Variants in CDKL5 observed in about 807,000 individuals in gnomAD.
CDKL5 encodes the protein cyclin-dependent kinase-like 5.
Under a neutral mutation model 61.7 loss-of-function variants are expected in CDKL5, and 8 were observed. The observed-to-expected ratio is 0.13, with a 90% CI of 0.08 to 0.23. CDKL5 has a LOEUF of 0.23. Among genes scored for constraint, CDKL5 ranks in the 10% least tolerant of loss-of-function variants. CDKL5 has a pLI of 1.00. For missense variants in CDKL5, 440 were observed against 734.5 expected (o/e 0.60, Z 4.63); for synonymous variants, 275 against 272.3 (o/e 1.01, Z -0.10).
chrX:18,465,766 T>C (rs1932387955), intron 1 of CDKL5, among the ~76,000 whole-genome samples: 1 of 112,305 alleles, frequency 8.9e-6, no homozygotes, highest in South Asian at 3.6e-4. Context: ...TCAATTTGGA[T>C]AGAATTGACA....
At chrX:18,515,457 G>A (rs996628493) in intron 3 of CDKL5, among the ~76,000 whole-genome samples, 2 of 111,829 alleles carry the variant, frequency 1.8e-5, no homozygotes, top group East Asian at 5.6e-4. Context: ...CAGCCTATAA[G>A]TGTTCAATAA....
chrX:18,437,443 A>T (rs752242098), intron 1 of CDKL5, among the ~76,000 whole-genome samples: 2 of 112,171 alleles, frequency 1.8e-5, no homozygotes, highest in Non-Finnish European at 3.8e-5. Context: ...AGACACCTTT[A>T]ATCTGCTCGA....
chrX:18,607,243 G>A (rs1205070328), intron 12 of CDKL5, among the ~76,000 whole-genome samples: 1 of 111,374 alleles, frequency 9.0e-6, no homozygotes, highest in African/African-American at 3.3e-5. Context: ...CCAGGTGAAA[G>A]GAGAAAGCAA....
chrX:18,465,486 T>C (rs758157093), intron 1 of CDKL5, among the ~76,000 whole-genome samples: 1 of 110,671 alleles, frequency 9.0e-6, no homozygotes, highest in East Asian at 2.8e-4. Flanking sequence ...GCCAACATGG[T>C]GAAACCCCGT....
chrX:18,553,695 A>G (rs1338791979), intron 3 of CDKL5, among the ~76,000 whole-genome samples: 1 of 111,255 alleles, frequency 9.0e-6, no homozygotes, highest in African/African-American at 3.3e-5. Context: ...GGGTTTTACC[A>G]TGTTGGCCAG....
intron 1 of CDKL5, among the ~76,000 whole-genome samples, chrX:18,466,605 G>T (rs1920962895): frequency 9.0e-6 from 1 of 111,061 alleles, no homozygotes; most frequent in African/African-American, 3.3e-5. Context: ...TGAGCTCCTG[G>T]GCTCAAGAGA....
chrX:18,578,363 A>G (rs1205870919), intron 5 of CDKL5, among the ~76,000 whole-genome samples: 4 of 112,213 alleles, frequency 3.6e-5, no homozygotes, highest in Admixed American at 9.5e-5. Context: ...ATAAATAGGC[A>G]TGGGAGTAAA....
At chrX:18,529,239 T>C (rs189975420) in intron 3 of CDKL5, among the ~76,000 whole-genome samples, 1 of 107,729 alleles carries the variant, frequency 9.3e-6, no homozygotes, top group Admixed American at 1.0e-4. Context: ...TTACAACTTA[T>C]CTAAGTACAC....
intron 1 of CDKL5, among the ~76,000 whole-genome samples, chrX:18,456,464 C>T (rs1020902920): frequency 8.9e-6 from 1 of 112,267 alleles, no homozygotes; most frequent in Non-Finnish European, 1.9e-5. Flanking sequence ...TAATTATACT[C>T]AGTTGAGTAT....
At position 18,603,853 on chromosome X, in the gene CDKL5, G is replaced by A. The variant is rs773300642; in HGVS notation, c.978-49G>A. The A allele has an allele frequency of 1.7e-5, 20 of 1,183,096 alleles. No homozygotes were observed. The Admixed American group carries it at 3.7e-4, about 22-fold the overall frequency. On this transcript the variant is annotated intron_variant, in intron 11 of 17. Transcript: ENST00000623535. ...CTTTCTTTTTAACAATACTTTTTGT[G>A]TGTCAGCTATTGAGGGAAACTGATA...
intron 20 of CDKL5, chrX:18,647,255 G>T (rs61750459): frequency 8.3e-7 from 1 of 1,210,493 alleles, no homozygotes; most frequent in Non-Finnish European, 1.1e-6. Context: ...CCCACATACT[G>T]CTCCGGGTTA....
chrX:18,444,914 G>A (rs1173615433), intron 1 of CDKL5, among the ~76,000 whole-genome samples: 1 of 110,763 alleles, frequency 9.0e-6, no homozygotes, highest in African/African-American at 3.3e-5. Flanking sequence ...TGCTCTTTTG[G>A]TCTAGTTTTG....
chrX:18,490,594 T>G (rs968453199), intron 1 of CDKL5, among the ~76,000 whole-genome samples: 3 of 111,648 alleles, frequency 2.7e-5, no homozygotes, highest in African/African-American at 9.8e-5. Flanking sequence ...TCAAAAGTGC[T>G]CTTAACCATA....
In CDKL5 at chrX:18,556,154, C is replaced by CT. The variant is rs758171149; in HGVS notation, c.100-8319dup. Reference sequence around the variant, plus strand: ...TTTACTTATAATGTAAAAATAAATACTTTTGGACTAAGTTATTTTGGAAGG... The same window carrying CT: ...TTTACTTATAATGTAAAAATAAATACTTTTTGGACTAAGTTATTTTGGAAGG... On this transcript the variant is annotated intron_variant, in intron 3 of 17. Coordinates refer to ENST00000623535, the MANE Select transcript of CDKL5 (RefSeq NM_001323289.2). 2.7e-5 allele frequency among the ~76,000 whole-genome samples: 3 copies of CT among 111,625 alleles called. No individual in the cohort carries two copies. In the East Asian group the frequency reaches 8.4e-4, roughly 31 times the overall value.
intron 1 of CDKL5, among the ~76,000 whole-genome samples, chrX:18,454,099 G>A (rs1024094554): frequency 8.9e-6 from 1 of 111,738 alleles, no homozygotes; most frequent in Non-Finnish European, 1.9e-5. Context: ...TGTTAGCAGG[G>A]TGTTCTTGTA....
At chrX:18,604,954 C>A in intron 12 of CDKL5, 86 bp downstream of exon 12, 2 of 1,052,681 alleles carry the variant, frequency 1.9e-6, no homozygotes, top group Non-Finnish European at 2.6e-6. Flanking sequence ...CTACTATTTT[C>A]CCTACTACAG....
chrX:18,557,921 T>C (rs1341966425), intron 3 of CDKL5, among the ~76,000 whole-genome samples: 1 of 111,788 alleles, frequency 8.9e-6, no homozygotes, highest in Admixed American at 9.5e-5. Flanking sequence ...AACTGTAGGC[T>C]CTCCAGATAT....
At chrX:18,430,892 C>T (rs1440061942) in intron 1 of CDKL5, among the ~76,000 whole-genome samples, 4 of 108,752 alleles carry the variant, frequency 3.7e-5, no homozygotes, top group Non-Finnish European at 7.6e-5. Flanking sequence ...ATGAGTCCCC[C>T]ACTCTGTTGC....
chrX:18,532,979 A>G (rs1923698014), intron 3 of CDKL5, among the ~76,000 whole-genome samples: 1 of 112,235 alleles, frequency 8.9e-6, no homozygotes, highest in Admixed American at 9.5e-5. Context: ...TGTGTTTAAT[A>G]AATATTTTCC....
Sources: allele counts gnomAD v4.1 joint callset (sites outside exome capture counted in the v4.1 genomes callset), GRCh38; gene constraint gnomAD v4.1.1; transcripts MANE v1.5; gene names NCBI Gene and HGNC (gene_info 2026-07-23, HGNC 2026-07-21).